The following ZNF558 variants were observed in gnomAD, a reference collection of about 807,000 sequenced individuals.
ZNF558 encodes zinc finger protein 558.
In ZNF558, 23 loss-of-function variants were observed where a neutral mutation model predicts 37.6. That is an observed-to-expected ratio of 0.61 (90% CI 0.44 to 0.87). ZNF558 has a LOEUF of 0.87. ZNF558 is among the 40% of genes least tolerant of loss of function. The pLI is 0.00. For missense variants in ZNF558, 429 were observed against 483.7 expected (o/e 0.89, Z 1.06); for synonymous variants, 189 against 174.4 (o/e 1.08, Z -0.66).
In ZNF558 at chr19:8,816,148, C is replaced by G. The variant is rs557269762; in HGVS notation, c.248-2926G>C. Among the ~76,000 whole-genome samples the G allele has an allele frequency of 1.4e-4, 21 of 152,116 alleles. No homozygotes were observed. In the South Asian group the frequency reaches 3.7e-3, roughly 27 times the overall value. ...GTGGTGTGATCATGGCTCACTGCAG[C>G]CTTAATCTCCTGGGGTCAAGCAATC... On this transcript the variant is annotated intron_variant, in intron 7 of 9. Coordinates refer to ENST00000601372, the MANE Select transcript of ZNF558 (RefSeq NM_144693.3).
chr19:8,822,814 C>T lies in ZNF558; in HGVS notation c.-65-90G>A. 1 of 1,186,334 alleles carries T rather than the reference C, an allele frequency of 8.4e-7. No individual in the cohort carries two copies. The highest frequency in any genetic ancestry group is 1.2e-6 in the Non-Finnish European group (1 of 832,802). The allele number at this position is 1,186,334 out of a possible 1,614,324, so 73.5% of individuals were successfully genotyped here. On this transcript the variant is annotated intron_variant, in intron 4 of 9. Coordinates refer to ENST00000601372, the MANE Select transcript of ZNF558 (RefSeq NM_144693.3). The surrounding 1 kb of genome is among the most constrained non-coding windows in gnomAD (Gnocchi z 4.4). ...CCCTCCTCAACCCATCCTTCCCATC[C>T]TTCTTCAAATGCAAGTTCCGGCTTC...
chr19:8,814,919 C>A (rs1233300182), intron 7 of ZNF558, among the ~76,000 whole-genome samples: 2 of 152,140 alleles, frequency 1.3e-5, no homozygotes, highest in Non-Finnish European at 2.9e-5. Context: ...TTAGAACACA[C>A]AATAGTTCTA....
chr19:8,812,720 C>G (rs1555768791), intron 8 of ZNF558, 77 bp from the exon 9 acceptor site: 1 of 873,378 alleles, frequency 1.1e-6, no homozygotes, highest in Non-Finnish European at 1.7e-6. Flanking sequence ...AAGGCAGATT[C>G]TGAGGGATCA....
rs554844077 is a variant in ZNF558, at chr19:8,822,689, G to A, written c.-30C>T. 36 of 1,613,898 alleles carry A rather than the reference G, an allele frequency of 2.2e-5. No individual in the cohort carries two copies. The highest frequency in any genetic ancestry group is 1.7e-4 in the Admixed American group (10 of 59,996). On this transcript the variant is annotated 5_prime_UTR_variant, in exon 5 of 10. Transcript: ENST00000601372. The surrounding 1 kb of genome is among the most constrained non-coding windows in gnomAD (Gnocchi z 4.4). Reference sequence around the variant, plus strand: ...TGACTCCGACAGCAACAGGGCAGCCGGGAAGCAGGACGCTCCTCCTTTATC... The same window carrying A: ...TGACTCCGACAGCAACAGGGCAGCCAGGAAGCAGGACGCTCCTCCTTTATC...
intron 2 of ZNF558, among the ~76,000 whole-genome samples, chr19:8,827,061 C>T (rs2044248618): frequency 6.6e-6 from 1 of 152,110 alleles, no homozygotes; most frequent in African/African-American, 2.4e-5. Flanking sequence ...AGAGAAGGTA[C>T]CTGGGACATT....
At chr19:8,834,678 G>A (rs544730679), upstream of ZNF558, among the ~76,000 whole-genome samples, 2 of 138,770 alleles carry the variant, frequency 1.4e-5, no homozygotes, top group African/African-American at 2.7e-5. Context: ...ACAAAAAACA[G>A]AGAATGAAAT....
chr19:8,829,727 A>T (rs1007509221), intron 2 of ZNF558, among the ~76,000 whole-genome samples: 2 of 152,182 alleles, frequency 1.3e-5, no homozygotes, highest in Non-Finnish European at 2.9e-5. Flanking sequence ...TTGGTCCTGA[A>T]AAAATGAGGA....
chr19:8,831,792 G>C (rs2044363232), intron 1 of ZNF558, among the ~76,000 whole-genome samples: 1 of 152,166 alleles, frequency 6.6e-6, no homozygotes, highest in Non-Finnish European at 1.5e-5. Flanking sequence ...CCCTAGAGCA[G>C]GGTTTCCCAA....
upstream of ZNF558, among the ~76,000 whole-genome samples, chr19:8,836,874 CAT>C (rs759827674): frequency 7.9e-5 from 12 of 152,242 alleles, 1 homozygote; most frequent in South Asian, 4.1e-4. Flanking sequence ...AAATCTATGA[CAT>C]GTGGGCTCAT....
chr19:8,811,185 G>A lies in ZNF558; in HGVS notation c.*96C>T. ...ATTTGCGGGGATCATTTGTTATGCT[G>A]CAACAAATAACTTATATATCCAGTG... On this transcript the variant is annotated 3_prime_UTR_variant, in exon 10 of 10. Coordinates refer to ENST00000601372, the MANE Select transcript of ZNF558 (RefSeq NM_144693.3). 16 of 1,321,366 alleles carry A rather than the reference G, an allele frequency of 1.2e-5. No homozygotes were observed. The highest frequency in any genetic ancestry group is 5.1e-6 in the Non-Finnish European group (5 of 976,096). 81.9% of individuals were successfully genotyped at this position (1,321,366 alleles called of 1,614,324 possible). A position where few individuals can be genotyped will look rare whatever the true frequency, so the allele number is the denominator to read the frequency against.
rs186632806 is a variant in ZNF558, at chr19:8,824,280, C to A, written c.-264G>T. Reference sequence around the variant, plus strand: ...CCTATGTGGAGAGGAACTGAGGCCTCCCACCGACGGCCAGCTCTGACTCGC... The same window carrying A: ...CCTATGTGGAGAGGAACTGAGGCCTACCACCGACGGCCAGCTCTGACTCGC... On this transcript the variant is annotated 5_prime_UTR_variant, in exon 4 of 10. Coordinates refer to ENST00000601372, the MANE Select transcript of ZNF558 (RefSeq NM_144693.3). The A allele has an allele frequency of 4.6e-5, 7 of 152,268 alleles. No individual in the cohort carries two copies. The highest frequency in any genetic ancestry group is 2.0e-4 in the Admixed American group (3 of 15,280). 9.4% of individuals were successfully genotyped at this position (152,268 alleles called of 1,614,324 possible).
chr19:8,815,708 C>A (rs1480640457), intron 7 of ZNF558, among the ~76,000 whole-genome samples: 1 of 151,906 alleles, frequency 6.6e-6, no homozygotes, highest in African/African-American at 2.4e-5. Context: ...ATCACTTGAG[C>A]CCAGGAGGTC....
chr19:8,818,061 G>A (rs2043985147), intron 7 of ZNF558, among the ~76,000 whole-genome samples: 1 of 152,106 alleles, frequency 6.6e-6, no homozygotes, highest in Admixed American at 6.6e-5. Context: ...CATTCTCCAG[G>A]ATAGATTATA....
Position 8,809,332 on chromosome 19 carries a change from A to C in ZNF558, c.*1949T>G, listed in dbSNP as rs2043731668. 6.6e-6 allele frequency: 1 copy of C among 152,256 alleles called. No individual in the cohort carries two copies. Among genetic ancestry groups the C allele is most frequent in the Non-Finnish European group, 1.5e-5 (1 of 68,048 alleles). 9.4% of individuals were successfully genotyped at this position (152,256 alleles called of 1,614,324 possible). ...ATGTTCCACACAGTGACTTCGACTT[A>C]CTTCTCATTGCCAGGGGAGTGCGAA... is the stretch of plus-strand genomic sequence containing the variant. On this transcript the variant is annotated 3_prime_UTR_variant, in exon 10 of 10. Coordinates refer to ENST00000601372, the MANE Select transcript of ZNF558 (RefSeq NM_144693.3).
chr19:8,823,157 A>G (rs1254864841), intron 4 of ZNF558, among the ~76,000 whole-genome samples: 1 of 151,534 alleles, frequency 6.6e-6, no homozygotes, highest in East Asian at 1.9e-4. Context: ...TCCTTCTCTC[A>G]TCAGCCACAT....
At position 8,818,344 on chromosome 19, in the gene ZNF558, C is replaced by T. The variant is rs569341760; in HGVS notation, c.247+2836G>A. On this transcript the variant is annotated intron_variant, in intron 7 of 9. Coordinates refer to ENST00000601372, the MANE Select transcript of ZNF558 (RefSeq NM_144693.3). ...GTGCGCACCTGTAGTCCGAGCTACTCGGGAGGCTGACGCAGGAGAATCACT... is the reference window on the plus strand; with the variant it reads ...GTGCGCACCTGTAGTCCGAGCTACTTGGGAGGCTGACGCAGGAGAATCACT... Among the ~76,000 whole-genome samples, 11 of 152,044 alleles carry T rather than the reference C, an allele frequency of 7.2e-5. 1 individual carries two copies. Among genetic ancestry groups the T allele is most frequent in the South Asian group, 2.1e-4 (1 of 4,810 alleles).
chr19:8,812,673 G>T, intron 8 of ZNF558, 30 bp from the exon 9 acceptor site: 1 of 1,481,174 alleles, frequency 6.8e-7, no homozygotes, highest in Non-Finnish European at 9.2e-7. Flanking sequence ...AATTTAGGTT[G>T]ATGGAGAAAA....
Position 8,811,405 on chromosome 19 carries a change from G to A in ZNF558, c.1085C>T (p.Ala362Val). The A allele has an allele frequency of 1.2e-6, 2 of 1,613,970 alleles. No homozygotes were observed. The highest frequency in any genetic ancestry group is 1.7e-6 in the Non-Finnish European group (2 of 1,179,958). Residue 362 changes from alanine to valine, a missense_variant, in exon 10 of 10, where the codon GCT becomes GTT. Physicochemically the swap from Ala to Val is moderately conservative, Grantham distance 64. Transcript: ENST00000601372. Reference sequence around the variant, plus strand: ...GTGAGTTCTTAAGTGTTTCTTCACAGCTGAGAGATTATTAAAGGCTTTTCC... The same window carrying A: ...GTGAGTTCTTAAGTGTTTCTTCACAACTGAGAGATTATTAAAGGCTTTTCC... ...DCGKAFNNLS[A>V]VKKHLRTHTG...
intron 7 of ZNF558, among the ~76,000 whole-genome samples, chr19:8,819,078 T>C (rs539257240): frequency 2.1e-4 from 32 of 152,272 alleles, no homozygotes; most frequent in African/African-American, 6.5e-4. Flanking sequence ...GAAGAAAACA[T>C]AGGGGTAGAT....
Sources: gnomAD v4.1 joint callset for allele counts (sites outside exome capture counted in the v4.1 genomes callset) on GRCh38, gnomAD v4.1.1 for gene constraint, Gnocchi (gnomAD v3.1) non-coding constraint, MANE v1.5 for transcripts, NCBI Gene and HGNC (gene_info 2026-07-23, HGNC 2026-07-21) for gene names.